Variants in CCDC40 observed in about 807,000 individuals in gnomAD.
The protein encoded by CCDC40 is coiled-coil domain 40 molecular ruler complex subunit, also known as coiled-coil domain-containing protein 40.
In CCDC40, 104 loss-of-function variants were observed where a neutral mutation model predicts 124.5. That is an observed-to-expected ratio of 0.84 (90% CI 0.71 to 0.98). The LOEUF (loss-of-function observed/expected upper bound fraction) is 0.98. CCDC40 is among the 50% of genes least tolerant of loss of function. The probability of loss-of-function intolerance (pLI) is 0.00; values close to 1 mark genes in which losing one functional copy is unlikely to be tolerated. For missense variants in CCDC40, 1,463 were observed against 1,503.9 expected (o/e 0.97, Z 0.45); for synonymous variants, 580 against 602.9 (o/e 0.96, Z 0.56).
chr17:80,078,246 G>T lies in CCDC40; in HGVS notation c.1563-3300G>T, dbSNP rs571120689. ...CTTGGGAGGGTGAGGCAGGAGAATG[G>T]CATGAACCTGGGAGGCGGAGCTTGC... On this transcript the variant is annotated intron_variant, in intron 10 of 19. Transcript: ENST00000397545. 2.7e-3 allele frequency among the ~76,000 whole-genome samples: 407 copies of T among 150,800 alleles called. 3 individuals are homozygous for T. The highest frequency in any genetic ancestry group is 4.6e-3 in the Non-Finnish European group (313 of 67,880).
intron 2 of CCDC40, 41 bp from the exon 3 acceptor site, chr17:80,039,769 TTA>T (rs1457508896): frequency 6.2e-7 from 1 of 1,605,580 alleles, no homozygotes; most frequent in African/African-American, 1.3e-5. Flanking sequence ...ACAAGGTCCT[TTA>T]TACTTTGTTT....
In CCDC40 at chr17:80,094,964, AT is replaced by A. The variant is rs552014928; in HGVS notation, c.2833-292del. Among the ~76,000 whole-genome samples the A allele has an allele frequency of 2.7e-3, 409 of 152,198 alleles. 5 individuals are homozygous for A. The highest frequency in any genetic ancestry group is 9.1e-3 in the African/African-American group (376 of 41,512). On this transcript the variant is annotated intron_variant, in intron 17 of 19. Transcript: ENST00000397545. ...AGATTTCACCAATTTTCTCAATGAG[AT>A]TTTTTTCTGCTGCAGGATCTGACCC...
At position 80,088,004 on chromosome 17, in the gene CCDC40, C is replaced by T; in HGVS notation, c.2620-7C>T. On this transcript the variant is annotated splice_region_variant and splice_polypyrimidine_tract_variant and intron_variant, in intron 15 of 19. Coordinates refer to ENST00000397545, the MANE Select transcript of CCDC40 (RefSeq NM_017950.4). ...CCCACAGCTGTCCCGCCCCCTCCCC[C>T]ATGCAGGCCTCTGAGAGGGAGACCA... 4 of 1,605,728 alleles carry T rather than the reference C, an allele frequency of 2.5e-6. No homozygotes were observed. The highest frequency in any genetic ancestry group is 3.4e-6 in the Non-Finnish European group (4 of 1,172,336).
Position 80,065,561 on chromosome 17 carries a change from T to A in CCDC40, c.1517T>A (p.Met506Lys). The A allele has an allele frequency of 3.1e-6, 5 of 1,612,560 alleles. No homozygotes were observed. Among genetic ancestry groups the A allele is most frequent in the Non-Finnish European group, 4.2e-6 (5 of 1,179,836 alleles). The change falls in exon 10 of 20, where the codon ATG becomes AAG. Residue 506 changes from methionine (M) to lysine (K), a missense_variant. Coordinates refer to ENST00000397545, the MANE Select transcript of CCDC40 (RefSeq NM_017950.4). ...MQQWASSLVG[M>K]KHRDEAHRAV... ...CAATGGGCCAGCAGCCTGGTGGGCA[T>A]GAAGCACCGCGACGAGGCGCACAGG...
chr17:80,089,947 T>C, intron 17 of CCDC40, 63 bp downstream of exon 17: 1 of 1,600,774 alleles, frequency 6.2e-7, no homozygotes, highest in Non-Finnish European at 8.5e-7. Flanking sequence ...TCTGGAGACC[T>C]GGCCACACCA....
chr17:80,086,185 C>T lies in CCDC40; in HGVS notation c.2418C>T (p.His806=), dbSNP rs371612109. The T allele has an allele frequency of 6.2e-7, 1 of 1,612,456 alleles. No individual in the cohort carries two copies. The highest frequency in any genetic ancestry group is 8.5e-7 in the Non-Finnish European group (1 of 1,179,280). ...TGGACGCATCCAAGAAGGAGCTCCACATCATGGAGCAGAAGAAACTACGAG... is the reference window on the plus strand; with the variant it reads ...TGGACGCATCCAAGAAGGAGCTCCATATCATGGAGCAGAAGAAACTACGAG... The part of the protein sequence containing the change: ...ASLDASKKEL[H]IMEQKKLRVE... Residue 806 remains histidine (H), a synonymous_variant, in exon 14 of 20, where the codon CAC becomes CAT. Transcript: ENST00000397545. The surrounding 1 kb of genome is among the most constrained non-coding windows in gnomAD (Gnocchi z 5.5).
At chr17:80,078,490 T>C (rs995860544) in intron 10 of CCDC40, among the ~76,000 whole-genome samples, 12 of 152,180 alleles carry the variant, frequency 7.9e-5, no homozygotes, top group Non-Finnish European at 1.8e-4. Context: ...GGCTCAGGTT[T>C]TGTGTGTCTC....
In CCDC40 at chr17:80,084,912, C is replaced by T. The variant is rs201407989; in HGVS notation, c.2159C>T (p.Thr720Met). The T allele has an allele frequency of 3.3e-5, 53 of 1,614,054 alleles. No homozygotes were observed. Among genetic ancestry groups the T allele is most frequent in the East Asian group, 2.2e-4 (10 of 44,880 alleles). The change falls in exon 13 of 20, where the codon ACG (threonine) becomes ATG (methionine). Residue 720 changes from threonine to methionine, a missense_variant. Physicochemically the swap from Thr to Met is moderately conservative, Grantham distance 81. Coordinates refer to ENST00000397545, the MANE Select transcript of CCDC40 (RefSeq NM_017950.4). ...TNSQSEISRR[T>M]ILIERKQGLI... ...AGCCAGAGCGAGATCTCCCGGCGCA[C>T]GATCCTGATCGAGAGGAAGCAAGGG...
Position 80,040,118 on chromosome 17 carries a change from G to A in CCDC40, c.400G>A (p.Gly134Arg), listed in dbSNP as rs201191082. ...PGEEAYDSVS[G>R]EAGLQGFQQE... is the part of the protein sequence containing the mutation. ...AGAGGAGGCATACGATAGTGTTAGC[G>A]GGGAGGCTGGTCTCCAAGGCTTCCA... The change falls in exon 3 of 20, where the codon GGG becomes AGG. Residue 134 changes from glycine to arginine, a missense_variant. Coordinates refer to ENST00000397545, the MANE Select transcript of CCDC40 (RefSeq NM_017950.4). The A allele has an allele frequency of 1.3e-4, 204 of 1,614,138 alleles. 1 individual carries two copies. In the East Asian group the frequency reaches 3.7e-3, roughly 29 times the overall value.
chr17:80,055,056 A>G (rs2037702903), intron 7 of CCDC40, among the ~76,000 whole-genome samples: 1 of 152,178 alleles, frequency 6.6e-6, no homozygotes. Context: ...CCAAATGGGT[A>G]TTTAATAAAA....
intron 17 of CCDC40, among the ~76,000 whole-genome samples, chr17:80,092,359 C>T (rs957323504): frequency 5.9e-5 from 9 of 151,920 alleles, no homozygotes; most frequent in East Asian, 1.9e-4. Flanking sequence ...TTGATAGAGA[C>T]GTACAATCAT....
At chr17:80,053,607 TG>T (rs2037661239) in intron 7 of CCDC40, among the ~76,000 whole-genome samples, 1 of 152,168 alleles carries the variant, frequency 6.6e-6, no homozygotes, top group African/African-American at 2.4e-5. Context: ...TTTGTTTGTT[TG>T]TTGAGATGGA....
rs1276556829 is a variant in CCDC40 at position 80,058,202 on chromosome 17, A to C, written c.1160-292A>C. Among the ~76,000 whole-genome samples the C allele has an allele frequency of 6.6e-6, 1 of 152,212 alleles. No individual in the cohort carries two copies. Among genetic ancestry groups the C allele is most frequent in the Non-Finnish European group, 1.5e-5 (1 of 68,036 alleles). On this transcript the variant is annotated intron_variant, in intron 7 of 19. Transcript: ENST00000397545. This position sits in a 1 kb window ranked among gnomAD's most constrained non-coding sequence, Gnocchi z 4.2. Reference sequence around the variant, plus strand: ...TTACCACCTGGCACTACTTCAGTGTATCCTTAGACTACCAGGAGGATCTCT... The same window carrying C: ...TTACCACCTGGCACTACTTCAGTGTCTCCTTAGACTACCAGGAGGATCTCT...
At chr17:80,060,512 C>T (rs967436908) in intron 9 of CCDC40, among the ~76,000 whole-genome samples, 8 of 149,240 alleles carry the variant, frequency 5.4e-5, no homozygotes, top group Admixed American at 2.7e-4. Context: ...AAAAGAACAA[C>T]AACACTTTAT....
At chr17:80,054,466 A>G (rs1198669671) in intron 7 of CCDC40, among the ~76,000 whole-genome samples, 1 of 152,184 alleles carries the variant, frequency 6.6e-6, no homozygotes, top group African/African-American at 2.4e-5. Context: ...AAGATTCCGG[A>G]AACTCCCCAC....
intron 19 of CCDC40, among the ~76,000 whole-genome samples, chr17:80,098,494 T>G (rs58502797): frequency 0.35 from 53,356 of 152,204 alleles, 10,272 homozygotes; most frequent in African/African-American, 0.51. Context: ...GCATATGCGT[T>G]ATGCCAACAT....
At chr17:80,090,753 G>A (rs1038189469) in intron 17 of CCDC40, 8 of 1,377,312 alleles carry the variant, frequency 5.8e-6, no homozygotes, top group Non-Finnish European at 7.5e-6. Flanking sequence ...TAAAGGTTCA[G>A]GGCCTTAAGG....
chr17:80,085,204 T>C (rs1404837067), intron 13 of CCDC40, among the ~76,000 whole-genome samples: 7 of 152,254 alleles, frequency 4.6e-5, no homozygotes, highest in Admixed American at 3.9e-4. Context: ...TTGTGGCCAG[T>C]TGGTCTCTCT....
Position 80,047,382 on chromosome 17 carries a change from AGTTC to A in CCDC40, c.659_662del (p.Phe220SerfsTer6). The A allele has an allele frequency of 6.2e-7, 1 of 1,613,172 alleles. No homozygotes were observed. The highest frequency in any genetic ancestry group is 8.5e-7 in the Non-Finnish European group (1 of 1,179,720). On this transcript the variant is annotated frameshift_variant, in exon 4 of 20. Coordinates refer to ENST00000397545, the MANE Select transcript of CCDC40 (RefSeq NM_017950.4). LOFTEE classifies it high-confidence loss of function. The stretch of plus-strand genomic sequence containing the variant: ...GACATCGAGTCCTCAGACCTGGAGG[AGTTC>A]GTCTCGCAGGAGCCAGGTGCCACCC...
Sources: gnomAD v4.1 joint callset for allele counts (sites outside exome capture counted in the v4.1 genomes callset) on GRCh38, gnomAD v4.1.1 for gene constraint, Gnocchi (gnomAD v3.1) non-coding constraint, MANE v1.5 for transcripts, NCBI Gene and HGNC (gene_info 2026-07-23, HGNC 2026-07-21) for gene names.